The following CEP44 variants were observed in gnomAD, a reference collection of about 807,000 sequenced individuals.
CEP44 encodes the protein centrosomal protein of 44 kDa.
CEP44 carries 45 observed loss-of-function variants against 46.7 expected under a neutral mutation model. The observed-to-expected ratio is 0.96, with a 90% CI of 0.76 to 1.24. The LOEUF (loss-of-function observed/expected upper bound fraction) is 1.24, where lower values mean the gene tolerates loss of function less well. Ranked by LOEUF, CEP44 falls within the 50% of genes most tolerant of loss-of-function variation. CEP44 has a pLI of 0.00. For missense variants in CEP44, 475 were observed against 459.7 expected, an observed-to-expected ratio of 1.03 and a Z score of -0.30; for synonymous variants, 142 against 146.0, an observed-to-expected ratio of 0.97 and a Z score of 0.20.
intron 3 of CEP44, among the ~76,000 whole-genome samples, chr4:174,300,940 G>A (rs1257099643): frequency 1.3e-5 from 2 of 151,880 alleles, no homozygotes; most frequent in Non-Finnish European, 2.9e-5. Flanking sequence ...AGATTTTGCT[G>A]TTCAAAGGTA....
Position 174,317,773 on chromosome 4 carries a change from A to G in CEP44, c.*390A>G. Reference sequence around the variant, plus strand: ...ATTCCAAATGGGACTTGTGTATTATACCCAGGAGGCTCTCATATATACCAT... The same window carrying G: ...ATTCCAAATGGGACTTGTGTATTATGCCCAGGAGGCTCTCATATATACCAT... On this transcript the variant is annotated 3_prime_UTR_variant, in exon 12 of 12. Coordinates refer to ENST00000503780, the MANE Select transcript of CEP44 (RefSeq NM_001040157.3). 1.0e-6 allele frequency: 1 copy of G among 987,226 alleles called. No individual in the cohort carries two copies. The highest frequency in any genetic ancestry group is 1.2e-6 in the Non-Finnish European group (1 of 830,946). The allele number at this position is 987,226 out of a possible 1,614,324, so 61.2% of individuals were successfully genotyped here. A position where few individuals can be genotyped will look rare whatever the true frequency, so the allele number is the denominator to read the frequency against.
Position 174,319,281 on chromosome 4 carries a change from T to G in CEP44, c.*1898T>G. The G allele has an allele frequency of 1.0e-6, 1 of 971,504 alleles. No individual in the cohort carries two copies. Among genetic ancestry groups the G allele is most frequent in the Non-Finnish European group, 1.2e-6 (1 of 817,310 alleles). 60.2% of individuals were successfully genotyped at this position (971,504 alleles called of 1,614,324 possible). ...AAGTACATTTATAAAAATTAAGAGG[T>G]TAAGAGGTTATAGTTATAAGGGAAA... is the stretch of plus-strand genomic sequence containing the variant. On this transcript the variant is annotated 3_prime_UTR_variant, in exon 12 of 12. Coordinates refer to ENST00000503780, the MANE Select transcript of CEP44 (RefSeq NM_001040157.3).
Position 174,319,358 on chromosome 4 carries a change from A to G in CEP44, c.*1975A>G. On this transcript the variant is annotated 3_prime_UTR_variant, in exon 12 of 12. Transcript: ENST00000503780. ...AATATCAGTACCAGCATGGAATTATAGCACCACCTTGTGGTTAACATGCCA... is the reference window on the plus strand; with the variant it reads ...AATATCAGTACCAGCATGGAATTATGGCACCACCTTGTGGTTAACATGCCA... 1 of 985,094 alleles carries G rather than the reference A, an allele frequency of 1.0e-6. No individual in the cohort carries two copies. Among genetic ancestry groups the G allele is most frequent in the South Asian group, 4.7e-5 (1 of 21,284 alleles). The allele number at this position is 985,094 out of a possible 1,614,324, so 61.0% of individuals were successfully genotyped here.
exon 9 of CEP44, chr4:174,332,483 A>G (rs921000087): frequency 9.2e-5 from 14 of 152,306 alleles, no homozygotes; most frequent in Admixed American, 8.5e-4. Flanking sequence ...GGCTTTATTC[A>G]TTGCATTTAT....
Position 174,309,104 on chromosome 4 carries a change from T to C in CEP44, c.678+245T>C, listed in dbSNP as rs1403592867. 6.6e-6 allele frequency among the ~76,000 whole-genome samples: 1 copy of C among 152,132 alleles called. No homozygotes were observed. Among genetic ancestry groups the C allele is most frequent in the Non-Finnish European group, 1.5e-5 (1 of 67,972 alleles). ...TGCAAAGTAGAATAAGATATGGTAC[T>C]TGGCTTTAAGGAATCTACAATTTAG... On this transcript the variant is annotated intron_variant, in intron 7 of 11. Transcript: ENST00000503780. The surrounding 1 kb of genome is among the most constrained non-coding windows in gnomAD (Gnocchi z 5.3).
Position 174,312,692 on chromosome 4 carries a change from G to A in CEP44, c.961+1834G>A, listed in dbSNP as rs150941984. On this transcript the variant is annotated intron_variant, in intron 9 of 11. Coordinates refer to ENST00000503780, the MANE Select transcript of CEP44 (RefSeq NM_001040157.3). The surrounding 1 kb of genome is among the most constrained non-coding windows in gnomAD (Gnocchi z 4.5). ...ATGGATTACAGATTATGATTAGGTT[G>A]AATACCTGGTCTCATAGAGTTTATG... 8.4e-3 allele frequency among the ~76,000 whole-genome samples: 1,279 copies of A among 152,222 alleles called. 20 individuals are homozygous for A. Among genetic ancestry groups the A allele is most frequent in the African/African-American group, 0.03 (1,230 of 41,528 alleles).
chr4:174,326,423 ATTCT>A lies in CEP44; in HGVS notation c.1087-5054_1087-5051del, dbSNP rs1440458816. 6.6e-6 allele frequency among the ~76,000 whole-genome samples: 1 copy of A among 151,974 alleles called. No individual in the cohort carries two copies. Among genetic ancestry groups the A allele is most frequent in the Non-Finnish European group, 1.5e-5 (1 of 67,944 alleles). ...AGAGCCTTACGATAATATACTTTTC[ATTCT>A]TTCTGCGCCCGCCAAGCCTTTTTTT... On this transcript the variant is annotated intron_variant, in intron 8 of 8. Coordinates refer to the CEP44 transcript ENST00000426172. The surrounding 1 kb of genome is among the most constrained non-coding windows in gnomAD (Gnocchi z 4.8).
Position 174,326,743 on chromosome 4 carries a change from A to T in CEP44, c.1087-4739A>T, listed in dbSNP as rs1355070152. On this transcript the variant is annotated intron_variant, in intron 8 of 8. Coordinates refer to the CEP44 transcript ENST00000426172. This position sits in a 1 kb window ranked among gnomAD's most constrained non-coding sequence, Gnocchi z 4.8. Reference sequence around the variant, plus strand: ...TTTCACCTTCATTTTCAAATGAAGGATACAATTTTAGGTGAATAGGGATTT... The same window carrying T: ...TTTCACCTTCATTTTCAAATGAAGGTTACAATTTTAGGTGAATAGGGATTT... Among the ~76,000 whole-genome samples the T allele has an allele frequency of 1.3e-5, 2 of 151,966 alleles. No individual in the cohort carries two copies. The highest frequency in any genetic ancestry group is 6.6e-5 in the Admixed American group (1 of 15,254).
chr4:174,284,889 A>G (rs1737397808), intron 1 of CEP44, among the ~76,000 whole-genome samples: 1 of 152,204 alleles, frequency 6.6e-6, no homozygotes, highest in African/African-American at 2.4e-5. Context: ...TTAGCCATTG[A>G]CTGTTATTAG....
rs1731324610 is a variant in CEP44, at chr4:174,331,631, G to C, written c.*36G>C. 1 of 1,546,010 alleles carries C rather than the reference G, an allele frequency of 6.5e-7. No homozygotes were observed. The highest frequency in any genetic ancestry group is 1.4e-5 in the African/African-American group (1 of 72,922). On this transcript the variant is annotated 3_prime_UTR_variant, in exon 9 of 9. Transcript: ENST00000426172. This position sits in a 1 kb window ranked among gnomAD's most constrained non-coding sequence, Gnocchi z 4.5. ...TTGGATCCTGTGCTTACCTTTTCCTGCTGTACTCTGATGTTTCAGTGAAGC... is the reference window on the plus strand; with the variant it reads ...TTGGATCCTGTGCTTACCTTTTCCTCCTGTACTCTGATGTTTCAGTGAAGC...
intron 8 of CEP44, among the ~76,000 whole-genome samples, chr4:174,327,619 A>T (rs1391807677): frequency 2.0e-5 from 3 of 152,120 alleles, no homozygotes; most frequent in Non-Finnish European, 4.4e-5. Flanking sequence ...CTAATTGAAG[A>T]GTACAGAGCC....
chr4:174,310,111 T>C lies in CEP44; in HGVS notation c.885+55T>C. On this transcript the variant is annotated intron_variant, in intron 8 of 11. Transcript: ENST00000503780. The surrounding 1 kb of genome is among the most constrained non-coding windows in gnomAD (Gnocchi z 4.2). Reference sequence around the variant, plus strand: ...ATCTCAGATATAACAAAGTTTTTTTTTGATTGTTATATGTGTATTTTTTTG... The same window carrying C: ...ATCTCAGATATAACAAAGTTTTTTTCTGATTGTTATATGTGTATTTTTTTG... The C allele has an allele frequency of 6.7e-7, 1 of 1,496,874 alleles. No homozygotes were observed. The highest frequency in any genetic ancestry group is 9.0e-7 in the Non-Finnish European group (1 of 1,107,662). 92.7% of individuals were successfully genotyped at this position (1,496,874 alleles called of 1,614,324 possible).
chr4:174,317,358 T>G lies in CEP44; in HGVS notation c.1148T>G (p.Leu383Arg). 1 of 1,416,324 alleles carries G rather than the reference T, an allele frequency of 7.1e-7. No homozygotes were observed. Among genetic ancestry groups the G allele is most frequent in the Non-Finnish European group, 9.4e-7 (1 of 1,061,642 alleles). 87.7% of individuals were successfully genotyped at this position (1,416,324 alleles called of 1,614,324 possible). The change falls in exon 12 of 12, where the codon CTG becomes CGG. Residue 383 changes from leucine to arginine, a missense_variant. Transcript: ENST00000503780. ...KKMFEETAEL[L>R]KCPNHYL Reference sequence around the variant, plus strand: ...AGGTTTGAAGAAACTGCAGAGTTACTGAAATGTCCAAATCACTACTTGTAG... The same window carrying G: ...AGGTTTGAAGAAACTGCAGAGTTACGGAAATGTCCAAATCACTACTTGTAG...
At chr4:174,332,221 T>A (rs1466951467) in exon 9 of CEP44, 2 of 152,288 alleles carry the variant, frequency 1.3e-5, no homozygotes. Flanking sequence ...GTTGGTACAG[T>A]AGGCTAAAGG....
Position 174,287,095 on chromosome 4 carries a change from T to C in CEP44, c.-148+3152T>C, listed in dbSNP as rs1737658957. 6.6e-6 allele frequency among the ~76,000 whole-genome samples: 1 copy of C among 152,190 alleles called. No individual in the cohort carries two copies. Reference sequence around the variant, plus strand: ...CTTGACTGACAATGGTGGTGGCTTATTAAAGTGAAGAATCAGCATCAAGAG... The same window carrying C: ...CTTGACTGACAATGGTGGTGGCTTACTAAAGTGAAGAATCAGCATCAAGAG... On this transcript the variant is annotated intron_variant, in intron 1 of 11. Transcript: ENST00000503780. This position sits in a 1 kb window ranked among gnomAD's most constrained non-coding sequence, Gnocchi z 5.1.
chr4:174,284,230 G>A (rs945994210), intron 1 of CEP44: 12 of 397,196 alleles, frequency 3.0e-5, no homozygotes, highest in African/African-American at 2.5e-4. Context: ...GGGCGGAGAC[G>A]AATGACCAGA....
In CEP44 at chr4:174,297,632, T is replaced by C. The variant is rs1739197068; in HGVS notation, c.-147-334T>C. On this transcript the variant is annotated intron_variant, in intron 1 of 11. Transcript: ENST00000503780. The surrounding 1 kb of genome is among the most constrained non-coding windows in gnomAD (Gnocchi z 4.3). ...GTCTAACAGCTTCTTGAGGCTGAGA[T>C]ATAGGAAGAAACTTTATTAGTGTGT... 6.7e-6 allele frequency among the ~76,000 whole-genome samples: 1 copy of C among 150,372 alleles called. No homozygotes were observed. Among genetic ancestry groups the C allele is most frequent in the Non-Finnish European group, 1.5e-5 (1 of 67,720 alleles).
intron 1 of CEP44, among the ~76,000 whole-genome samples, chr4:174,293,798 A>G (rs975722199): frequency 2.0e-5 from 3 of 151,908 alleles, no homozygotes; most frequent in African/African-American, 7.3e-5. Context: ...TGCTTGCTTC[A>G]TTTCACTAGC....
chr4:174,304,405 G>T, intron 6 of CEP44, 36 bp downstream of exon 6: 1 of 1,592,848 alleles, frequency 6.3e-7, no homozygotes, highest in Non-Finnish European at 8.5e-7. Context: ...TATTGTTTAA[G>T]AGTTATCTAA....
Sources: gnomAD v4.1 joint callset for allele counts (sites outside exome capture counted in the v4.1 genomes callset) on GRCh38, gnomAD v4.1.1 for gene constraint, Gnocchi (gnomAD v3.1) non-coding constraint, MANE v1.5 for transcripts, NCBI Gene and HGNC (gene_info 2026-07-23, HGNC 2026-07-21) for gene names.